Variants in CSF2RA observed in about 807,000 individuals in gnomAD.
The protein encoded by CSF2RA is colony stimulating factor 2 receptor subunit alpha.
Under a neutral mutation model 51.6 loss-of-function variants are expected in CSF2RA, and 42 were observed. That is an observed-to-expected ratio of 0.81 (90% CI 0.64 to 1.05). CSF2RA has a LOEUF of 1.05. Ranked by LOEUF, CSF2RA falls within the 50% of genes least tolerant of loss-of-function variation. The pLI is 0.00. For synonymous variants in CSF2RA, 222 were observed against 193.0 expected, an observed-to-expected ratio of 1.15 and a Z score of -1.24; for missense variants, 530 against 501.1, an observed-to-expected ratio of 1.06 and a Z score of -0.55.
chrX:1,305,569 G>T (rs752189588), intron 12 of CSF2RA, 42 bp downstream of exon 12: 9 of 1,613,940 alleles, frequency 5.6e-6, no homozygotes, highest in Admixed American at 1.7e-5. Context: ...GATGGAAGGT[G>T]GGGAGTGGGG....
At chrX:1,316,080 A>ATAGATAG in the CSF2RA span, among the ~76,000 whole-genome samples, 1 of 65,928 alleles carries the variant, frequency 1.5e-5, no homozygotes, top group Non-Finnish European at 3.9e-5. Flanking sequence ...AGATAGATAG[A>ATAGATAG]ATAGATAAAT....
At chrX:1,300,758 G>T (rs2092312952) in intron 10 of CSF2RA, 132 bp downstream of exon 10, 4 of 1,177,224 alleles carry the variant, frequency 3.4e-6, no homozygotes. Flanking sequence ...GTCAGGCTCT[G>T]AGCTTATCGC....
chrX:1,300,646 A>G lies in CSF2RA; in HGVS notation c.946+20A>G. 1 of 1,613,890 alleles carries G rather than the reference A, an allele frequency of 6.2e-7. No homozygotes were observed. The highest frequency in any genetic ancestry group is 8.5e-7 in the Non-Finnish European group (1 of 1,179,852). ...AATTTGGTAAGCGTTGGGCGGAGGTAAGGGATGTTTGTGCCGTCTGCGGCC... is the reference window on the plus strand; with the variant it reads ...AATTTGGTAAGCGTTGGGCGGAGGTGAGGGATGTTTGTGCCGTCTGCGGCC... On this transcript the variant is annotated intron_variant, in intron 10 of 12. Transcript: ENST00000381529.
chrX:1,323,491 T>A, the CSF2RA span, among the ~76,000 whole-genome samples: 1 of 151,930 alleles, frequency 6.6e-6, no homozygotes, highest in Admixed American at 6.6e-5. Context: ...GCGACCGGAT[T>A]CTCACATCTG....
Position 1,290,328 on chromosome X carries a change from A to C in CSF2RA, c.474-9A>C, listed in dbSNP as rs749572385. 2.4e-5 allele frequency: 39 copies of C among 1,611,830 alleles called. No individual in the cohort carries two copies. The highest frequency in any genetic ancestry group is 3.1e-5 in the Non-Finnish European group (37 of 1,178,384). ...CTGATTGCTCTCTGAGCACTTTCTA[A>C]TCTTTCAGGAGAAGGAGGGAGATCC... On this transcript the variant is annotated splice_polypyrimidine_tract_variant and intron_variant, in intron 6 of 12. Transcript: ENST00000381529.
intron 1 of CSF2RA, among the ~76,000 whole-genome samples, chrX:1,273,498 GT>G (rs201943280): frequency 1.4e-4 from 21 of 148,712 alleles, no homozygotes; most frequent in South Asian, 1.1e-3. Context: ...TTTGTTTTTT[GT>G]TTTTTTTTTA....
At chrX:1,297,922 GACCCCTGGCA>G (rs2092081681) in intron 9 of CSF2RA, among the ~76,000 whole-genome samples, 1 of 45,862 alleles carries the variant, frequency 2.2e-5, no homozygotes. Flanking sequence ...TCCTACCCAT[GACCCCTGGCA>G]GAACCCTACA....
chrX:1,290,277 G>C (rs1375703528), intron 6 of CSF2RA, 60 bp from the exon 7 acceptor site: 63 of 1,337,106 alleles, frequency 4.7e-5, no homozygotes, highest in Non-Finnish European at 6.1e-5. Context: ...GTTTTGTTTT[G>C]TGTTTTTGTG....
At chrX:1,281,113 C>G (rs1489692977) in intron 2 of CSF2RA, among the ~76,000 whole-genome samples, 1 of 66,054 alleles carries the variant, frequency 1.5e-5, no homozygotes, top group Non-Finnish European at 2.8e-5. Context: ...CCTCCTCCTT[C>G]TCCTCCTCCT....
chrX:1,284,719 C>T (rs1490471101), intron 3 of CSF2RA, among the ~76,000 whole-genome samples: 5 of 135,686 alleles, frequency 3.7e-5, no homozygotes, highest in South Asian at 2.3e-4. Context: ...GGCTGGAGTG[C>T]AGTGGCGCGA....
the CSF2RA span, among the ~76,000 whole-genome samples, chrX:1,315,570 A>AT: frequency 6.6e-6 from 1 of 151,842 alleles, no homozygotes; most frequent in South Asian, 2.1e-4. Flanking sequence ...CCCCCAGCCA[A>AT]TTTTTTATAT....
chrX:1,307,549 C>G (rs2083731863), intron 12 of CSF2RA, among the ~76,000 whole-genome samples: 2 of 152,262 alleles, frequency 1.3e-5, no homozygotes, highest in Non-Finnish European at 2.9e-5. Context: ...GCCCACGCTT[C>G]TCCTTTGGAC....
intron 7 of CSF2RA, among the ~76,000 whole-genome samples, chrX:1,292,307 C>T (rs1205796082): frequency 6.6e-6 from 1 of 152,184 alleles, no homozygotes; most frequent in Non-Finnish European, 1.5e-5. Flanking sequence ...CCAGCCCTTC[C>T]ACACATGTGG....
chrX:1,276,207 GT>G (rs1453518333), intron 2 of CSF2RA, among the ~76,000 whole-genome samples: 9 of 146,016 alleles, frequency 6.2e-5, no homozygotes, highest in Middle Eastern at 3.7e-3. Context: ...GTTTGTTTTT[GT>G]TTTTCAGTAG....
downstream of CSF2RA, among the ~76,000 whole-genome samples, chrX:1,311,648 G>C (rs1182140589): frequency 6.6e-4 from 100 of 152,120 alleles, no homozygotes; most frequent in Admixed American, 6.4e-3. Flanking sequence ...GTTTCACCTT[G>C]TTGGTCAGGC....
At chrX:1,321,626 T>C in the CSF2RA span, among the ~76,000 whole-genome samples, 1 of 150,416 alleles carries the variant, frequency 6.6e-6, no homozygotes, top group East Asian at 1.9e-4. Flanking sequence ...GCTTGGGGGT[T>C]AACTTAAACA....
chrX:1,286,494 G>A (rs191378564), intron 4 of CSF2RA, among the ~76,000 whole-genome samples: 4 of 151,812 alleles, frequency 2.6e-5, no homozygotes, highest in African/African-American at 7.3e-5. Flanking sequence ...ACTGAAACTC[G>A]GGAGGCGGAG....
the CSF2RA span, among the ~76,000 whole-genome samples, chrX:1,316,007 G>T: frequency 0.2 from 28,145 of 139,176 alleles, 3,506 homozygotes; most frequent in East Asian, 0.7. Context: ...TAGACAGATA[G>T]ATAGATATAT....
the CSF2RA span, among the ~76,000 whole-genome samples, chrX:1,319,409 C>T: frequency 6.7e-6 from 1 of 149,118 alleles, no homozygotes; most frequent in Non-Finnish European, 1.5e-5. Context: ...CTCTCAGTCT[C>T]CTGAAGTAGC....
Sources: allele counts gnomAD v4.1 joint callset (sites outside exome capture counted in the v4.1 genomes callset), GRCh38; gene constraint gnomAD v4.1.1; transcripts MANE v1.5; gene names NCBI Gene and HGNC (gene_info 2026-07-23, HGNC 2026-07-21).